Variants in KHDRBS2 observed in about 807,000 individuals in gnomAD.
KHDRBS2 encodes KH RNA binding domain containing, signal transduction associated 2, also known as KH domain-containing, RNA-binding, signal transduction-associated protein 2.
A neutral mutation model predicts 44.3 loss-of-function variants in KHDRBS2; 26 were observed. The ratio of observed to expected loss-of-function variants is 0.59; its 90% CI spans 0.43 to 0.81. The LOEUF (loss-of-function observed/expected upper bound fraction) is 0.81. Ranked by LOEUF, KHDRBS2 falls within the 40% of genes least tolerant of loss-of-function variation. The pLI, the probability that KHDRBS2 is intolerant of heterozygous loss-of-function variation, is 0.00. For missense variants in KHDRBS2, 476 were observed against 433.1 expected (o/e 1.10, Z -0.88); for synonymous variants, 194 against 151.1 (o/e 1.28, Z -2.08).
At chr6:61,877,073 C>T (rs1799519214) in intron 6 of KHDRBS2, among the ~76,000 whole-genome samples, 1 of 151,968 alleles carries the variant, frequency 6.6e-6, no homozygotes, top group Non-Finnish European at 1.5e-5. Flanking sequence ...TGTGTATAGC[C>T]ACTTTTGTGC....
the KHDRBS2 span, among the ~76,000 whole-genome samples, chr6:61,580,868 T>G: frequency 6.6e-6 from 1 of 152,180 alleles, no homozygotes; most frequent in Non-Finnish European, 1.5e-5. Flanking sequence ...CATGGCTTCC[T>G]TCTTGAAGTC....
At chr6:62,166,615 A>T (rs1818742780) in intron 2 of KHDRBS2, among the ~76,000 whole-genome samples, 1 of 152,064 alleles carries the variant, frequency 6.6e-6, no homozygotes. Flanking sequence ...ATTAATTTTT[A>T]CTTCCTTATT....
At chr6:61,954,843 TACATATGCATGTGTATATAC>T (rs1190415695) in intron 4 of KHDRBS2, among the ~76,000 whole-genome samples, 4 of 78,994 alleles carry the variant, frequency 5.1e-5, no homozygotes, top group Admixed American at 1.4e-4. Flanking sequence ...TATGTATGTA[TACATATGCATGTGTATATAC>T]ACATACATAT....
chr6:61,765,846 A>ATCTTTTT (rs1779932543), intron 6 of KHDRBS2, among the ~76,000 whole-genome samples: 1 of 152,092 alleles, frequency 6.6e-6, no homozygotes, highest in Non-Finnish European at 1.5e-5. Context: ...AGTCATGATG[A>ATCTTTTT]ATGATCTTTT....
At chr6:61,967,883 C>G (rs1489851640) in intron 4 of KHDRBS2, among the ~76,000 whole-genome samples, 1 of 138,420 alleles carries the variant, frequency 7.2e-6, no homozygotes, top group African/African-American at 2.6e-5. Context: ...CACATACACA[C>G]AAACATACAC....
the KHDRBS2 span, among the ~76,000 whole-genome samples, chr6:61,627,146 G>A: frequency 4.6e-5 from 7 of 150,630 alleles, no homozygotes; most frequent in South Asian, 4.2e-4. Flanking sequence ...CCAGCTACTC[G>A]GGAGGCTGAG....
chr6:61,673,743 A>G, the KHDRBS2 span, among the ~76,000 whole-genome samples: 1 of 140,920 alleles, frequency 7.1e-6, no homozygotes, highest in African/African-American at 2.7e-5. Flanking sequence ...CTTCAAGGAG[A>G]ACTACAAACC....
At chr6:62,077,273 T>C (rs904169745) in intron 2 of KHDRBS2, among the ~76,000 whole-genome samples, 1 of 152,014 alleles carries the variant, frequency 6.6e-6, no homozygotes, top group Non-Finnish European at 1.5e-5. Context: ...CAAGATCCTA[T>C]GTATGATCTT....
At chr6:62,054,031 A>G (rs912550475) in intron 2 of KHDRBS2, among the ~76,000 whole-genome samples, 1 of 152,044 alleles carries the variant, frequency 6.6e-6, no homozygotes, top group Non-Finnish European at 1.5e-5. Context: ...ACATGTATAA[A>G]ATACATTTTG....
At position 62,105,902 on chromosome 6, in the gene KHDRBS2, C is replaced by T. The variant is rs546574467; in HGVS notation, c.220-57908G>A. On this transcript the variant is annotated intron_variant, in intron 2 of 8. Coordinates refer to ENST00000281156, the MANE Select transcript of KHDRBS2 (RefSeq NM_152688.4). The stretch of plus-strand genomic sequence containing the variant: ...CAATTTTGGATCTTTCCTGCTTTCT[C>T]TTGTGGGCATTTAGTGCTATAAATT... Among the ~76,000 whole-genome samples, 31 of 152,244 alleles carry T rather than the reference C, an allele frequency of 2.0e-4. 1 individual carries two copies. Among genetic ancestry groups the T allele is most frequent in the African/African-American group, 7.0e-4 (29 of 41,536 alleles).
chr6:62,105,666 C>G (rs1584732514), intron 2 of KHDRBS2, among the ~76,000 whole-genome samples: 1 of 152,108 alleles, frequency 6.6e-6, no homozygotes, highest in Non-Finnish European at 1.5e-5. Flanking sequence ...ATTCTTCTCT[C>G]TTTTCTTTTT....
chr6:61,892,195 G>A lies in KHDRBS2; in HGVS notation c.810+2440C>T, dbSNP rs577249422. Reference sequence around the variant, plus strand: ...AATACCTAGGAATCCAACTTACAAGGGATGTGAAGGACCTCTTCAAGGAGA... The same window carrying A: ...AATACCTAGGAATCCAACTTACAAGAGATGTGAAGGACCTCTTCAAGGAGA... On this transcript the variant is annotated intron_variant, in intron 6 of 8. Transcript: ENST00000281156. Among the ~76,000 whole-genome samples, 328 of 152,082 alleles carry A rather than the reference G, an allele frequency of 2.2e-3. 1 individual carries two copies. In the South Asian group the frequency reaches 0.024, roughly 11 times the overall value.
chr6:61,889,216 G>C (rs1801433518), intron 6 of KHDRBS2, among the ~76,000 whole-genome samples: 1 of 152,094 alleles, frequency 6.6e-6, no homozygotes, highest in Non-Finnish European at 1.5e-5. Flanking sequence ...ATAGAGTCTT[G>C]AGAGGCTGAA....
At chr6:61,669,784 A>G in the KHDRBS2 span, among the ~76,000 whole-genome samples, 2 of 151,042 alleles carry the variant, frequency 1.3e-5, no homozygotes, top group Non-Finnish European at 3.0e-5. Context: ...AAAGATAAAG[A>G]TATTTTGCTC....
At chr6:62,136,137 C>T (rs1811473938) in intron 2 of KHDRBS2, among the ~76,000 whole-genome samples, 2 of 151,444 alleles carry the variant, frequency 1.3e-5, no homozygotes, top group Admixed American at 6.6e-5. Flanking sequence ...ACTGTAGTAA[C>T]CACTTCATTG....
chr6:61,841,909 A>G (rs1337872088), intron 6 of KHDRBS2, among the ~76,000 whole-genome samples: 1 of 152,126 alleles, frequency 6.6e-6, no homozygotes, highest in African/African-American at 2.4e-5. Context: ...ATCATGAATC[A>G]CTACCCAGAG....
At chr6:62,039,435 ATATG>A (rs1182034395) in intron 3 of KHDRBS2, among the ~76,000 whole-genome samples, 6 of 151,906 alleles carry the variant, frequency 3.9e-5, no homozygotes, top group Non-Finnish European at 1.5e-5. Context: ...CTGCTAAATA[ATATG>A]TATGTGGTAC....
chr6:61,927,443 G>A (rs1307307118), intron 4 of KHDRBS2, among the ~76,000 whole-genome samples: 1 of 152,016 alleles, frequency 6.6e-6, no homozygotes, highest in Non-Finnish European at 1.5e-5. Flanking sequence ...TCTCAACTAG[G>A]TACTGACAAA....
chr6:62,142,579 T>G (rs1457225820), intron 2 of KHDRBS2, among the ~76,000 whole-genome samples: 2 of 151,992 alleles, frequency 1.3e-5, no homozygotes, highest in African/African-American at 4.8e-5. Context: ...TTCCTAGCTC[T>G]AGAACACCAC....
Sources: allele counts gnomAD v4.1 joint callset (sites outside exome capture counted in the v4.1 genomes callset), GRCh38; gene constraint gnomAD v4.1.1; transcripts MANE v1.5; gene names NCBI Gene and HGNC (gene_info 2026-07-23, HGNC 2026-07-21).